Variants in TBC1D31 observed in about 807,000 individuals in gnomAD.
The protein encoded by TBC1D31 is TBC1 domain family member 31, also known as WD repeat domain 67.
TBC1D31 carries 99 observed loss-of-function variants against 132.9 expected under a neutral mutation model. The ratio of observed to expected loss-of-function variants is 0.74; its 90% CI spans 0.63 to 0.88. The LOEUF (loss-of-function observed/expected upper bound fraction) is 0.88. Ranked by LOEUF, TBC1D31 falls within the 40% of genes least tolerant of loss-of-function variation. The pLI, the probability that TBC1D31 is intolerant of heterozygous loss-of-function variation, is 0.00. For missense variants in TBC1D31, 1,134 were observed against 1,256.6 expected (o/e 0.90, Z 1.48); for synonymous variants, 385 against 419.4 (o/e 0.92, Z 1.00).
intron 21 of TBC1D31, 83 bp downstream of exon 21, chr8:123,150,211 A>C (rs1156622588): frequency 1.9e-6 from 2 of 1,056,126 alleles, no homozygotes; most frequent in African/African-American, 1.6e-5. Flanking sequence ...AATTATATTT[A>C]TAGCATGTGG....
rs564562705 is a variant in TBC1D31 at position 123,113,073 on chromosome 8, G to A, written c.1436+3453G>A. ...ACATTACTTCAAAAATGATGATTTT[G>A]TGCATTCTTCTGAAATAATAAATTT... On this transcript the variant is annotated intron_variant, in intron 10 of 21. Transcript: ENST00000287380. 4.6e-5 allele frequency among the ~76,000 whole-genome samples: 7 copies of A among 152,280 alleles called. No homozygotes were observed. The South Asian group carries it at 1.5e-3, about 32-fold the overall frequency.
rs568852731 is a variant in TBC1D31 at position 123,093,717 on chromosome 8, T to G, written c.646T>G (p.Leu216Val). The change falls in exon 5 of 22, where the codon TTA becomes GTA. Residue 216 changes from leucine to valine, a missense_variant. Leu to Val is a conservative substitution (Grantham distance 32). Coordinates refer to ENST00000287380, the MANE Select transcript of TBC1D31 (RefSeq NM_145647.4). ...AGCTCCACCTGAAAGCTCTAGTATA[T>G]TATACAAAGTGTTTGCTGTAACCAG... ...LPAPPESSSILYKVFAVTRDG... is the reference protein window; with the variant it reads ...LPAPPESSSIVYKVFAVTRDG... 3 of 1,602,018 alleles carry G rather than the reference T, an allele frequency of 1.9e-6. No homozygotes were observed. The highest frequency in any genetic ancestry group is 4.5e-5 in the East Asian group (2 of 44,614).
downstream of TBC1D31, among the ~76,000 whole-genome samples, chr8:123,153,981 G>A (rs1822927186): frequency 6.6e-6 from 1 of 152,212 alleles, no homozygotes; most frequent in Admixed American, 6.5e-5. Context: ...TGCTAAATAA[G>A]TTATTAAGTT....
rs1006851112 is a variant in TBC1D31 at position 123,126,633 on chromosome 8, C to T, written c.1830C>T (p.Tyr610=). The T allele has an allele frequency of 5.0e-6, 8 of 1,613,930 alleles. No individual in the cohort carries two copies. Among genetic ancestry groups the T allele is most frequent in the African/African-American group, 1.3e-5 (1 of 74,894 alleles). Residue 610 remains tyrosine, a synonymous_variant, in exon 13 of 22, where the codon TAC becomes TAT. Transcript: ENST00000287380. ...PSFLLMTVVA[Y]NICSRTPLLS... ...TCCTTCTGATGACTGTTGTAGCCTA[C>T]AACATATGTTCTAGAACGCCTCTGC...
At chr8:123,112,236 C>T (rs1483551110) in intron 10 of TBC1D31, among the ~76,000 whole-genome samples, 1 of 152,206 alleles carries the variant, frequency 6.6e-6, no homozygotes, top group Non-Finnish European at 1.5e-5. Flanking sequence ...GCTCACTACA[C>T]AGGTTAATTT....
At chr8:123,076,146 C>T (rs1187402467) in intron 1 of TBC1D31, among the ~76,000 whole-genome samples, 1 of 152,048 alleles carries the variant, frequency 6.6e-6, no homozygotes, top group Admixed American at 6.6e-5. Flanking sequence ...GTCACCCAGG[C>T]AGGAGTGCGG....
Position 123,142,406 on chromosome 8 carries a change from A to G in TBC1D31, c.2785A>G (p.Arg929Gly). Residue 929 changes from arginine to glycine, a missense_variant, in exon 19 of 22, where the codon AGG becomes GGG. Transcript: ENST00000287380. ...AGCCAAACTCCTTAGGGAAAACAGA[A>G]GGAAAGAAATAGAGATAATAAATGC... ...EVAKLLRENR[R>G]KEIEIINAMV... is the part of the protein sequence containing the mutation. 1.2e-6 allele frequency: 2 copies of G among 1,607,218 alleles called. No homozygotes were observed. The highest frequency in any genetic ancestry group is 1.7e-6 in the Non-Finnish European group (2 of 1,177,460).
At chr8:123,140,677 G>T in intron 17 of TBC1D31, 84 bp from the exon 18 acceptor site, 1 of 1,048,186 alleles carries the variant, frequency 9.5e-7, no homozygotes, top group East Asian at 2.6e-5. Context: ...TTATTTGTGT[G>T]CATATTACTA....
intron 21 of TBC1D31, among the ~76,000 whole-genome samples, 154 bp downstream of exon 21, chr8:123,150,282 C>T (rs188196270): frequency 6.6e-6 from 1 of 152,346 alleles, no homozygotes; most frequent in Admixed American, 6.5e-5. Context: ...AAGATTCTCT[C>T]AGATTCCTCA....
At chr8:123,137,234 CTG>C (rs1049311080) in intron 17 of TBC1D31, among the ~76,000 whole-genome samples, 1 of 152,160 alleles carries the variant, frequency 6.6e-6, no homozygotes, top group African/African-American at 2.4e-5. Context: ...TGTTTTCTAT[CTG>C]TCTTTCACAT....
chr8:123,128,291 A>G lies in TBC1D31; in HGVS notation c.1895A>G (p.His632Arg), dbSNP rs766857300. 4.8e-5 allele frequency: 76 copies of G among 1,580,386 alleles called. No individual in the cohort carries two copies. Among genetic ancestry groups the G allele is most frequent in the Non-Finnish European group, 6.5e-5 (75 of 1,158,686 alleles). The change falls in exon 14 of 22, where the codon CAC (histidine) becomes CGC (arginine). Residue 632 changes from histidine (H) to arginine (R), a missense_variant. His to Arg is a conservative substitution (Grantham distance 29). Coordinates refer to ENST00000287380, the MANE Select transcript of TBC1D31 (RefSeq NM_145647.4). ...NLKDDFEFFF[H>R]HRNNLDINVV... The stretch of plus-strand genomic sequence containing the variant: ...CAAGTTTTCTTACAGTTTTTTTTTC[A>G]CCATCGGAATAACCTGGATATAAAT...
At chr8:123,156,293 T>C (rs1822984449), downstream of TBC1D31, among the ~76,000 whole-genome samples, 1 of 151,788 alleles carries the variant, frequency 6.6e-6, no homozygotes, top group Admixed American at 6.6e-5. Flanking sequence ...ATACAAAAAT[T>C]AGCCGAGTGT....
rs538184494 is a variant in TBC1D31, at chr8:123,114,437, C to T, written c.1436+4817C>T. On this transcript the variant is annotated intron_variant, in intron 10 of 21. Coordinates refer to ENST00000287380, the MANE Select transcript of TBC1D31 (RefSeq NM_145647.4). ...CCAGGTTCAGGTGATTGTCCTGCTT[C>T]AGCCTCCAGAGTAGCTGGGACTACA... 1.7e-4 allele frequency among the ~76,000 whole-genome samples: 26 copies of T among 152,222 alleles called. 1 individual carries two copies. The highest frequency in any genetic ancestry group is 5.5e-4 in the African/African-American group (23 of 41,540).
At chr8:123,162,237 T>A in the TBC1D31 span, among the ~76,000 whole-genome samples, 1 of 152,104 alleles carries the variant, frequency 6.6e-6, no homozygotes, top group Non-Finnish European at 1.5e-5. Flanking sequence ...ATTGATCACC[T>A]AGCATGCCTC....
At chr8:123,108,204 C>T (rs919109877) in intron 8 of TBC1D31, among the ~76,000 whole-genome samples, 1 of 152,154 alleles carries the variant, frequency 6.6e-6, no homozygotes, top group African/African-American at 2.4e-5. Context: ...GATTTGTGAC[C>T]ATAAGCAATT....
the TBC1D31 span, among the ~76,000 whole-genome samples, chr8:123,161,779 G>A: frequency 6.6e-6 from 1 of 152,014 alleles, no homozygotes; most frequent in African/African-American, 2.4e-5. Flanking sequence ...CGCTTTGGGA[G>A]GCCGAGGCGG....
chr8:123,140,769 T>G lies in TBC1D31; in HGVS notation c.2508T>G (p.Thr836=), dbSNP rs769677506. The G allele has an allele frequency of 1.2e-6, 2 of 1,600,148 alleles. No individual in the cohort carries two copies. The highest frequency in any genetic ancestry group is 3.6e-5 in the Admixed American group (2 of 55,016). Residue 836 remains threonine, a synonymous_variant, in exon 18 of 22, where the codon ACT becomes ACG. Transcript: ENST00000287380. ...SQKRLYEKNL[T]ENQEALAKEM... is the part of the protein sequence containing the mutation. ...ACAAATGATTTTAACAGAATCTTAC[T>G]GAAAATCAAGAAGCTCTTGCAAAAG...
At chr8:123,093,439 A>G (rs993676110) in intron 4 of TBC1D31, 152 bp from the exon 5 acceptor site, 3 of 404,864 alleles carry the variant, frequency 7.4e-6, no homozygotes, top group Middle Eastern at 6.9e-4. Context: ...TGAAATAATC[A>G]GTATTACTCC....
At chr8:123,156,307 G>C (rs1378299880), downstream of TBC1D31, among the ~76,000 whole-genome samples, 1 of 152,000 alleles carries the variant, frequency 6.6e-6, no homozygotes, top group East Asian at 1.9e-4. Flanking sequence ...CGAGTGTAGT[G>C]GTACGTGCCT....
Sources: gnomAD v4.1 joint callset for allele counts (sites outside exome capture counted in the v4.1 genomes callset) on GRCh38, gnomAD v4.1.1 for gene constraint, MANE v1.5 for transcripts, NCBI Gene and HGNC (gene_info 2026-07-23, HGNC 2026-07-21) for gene names.